Variants in TENM2 observed in about 807,000 individuals in gnomAD.
TENM2 encodes teneurin transmembrane protein 2.
In TENM2, 52 loss-of-function variants were observed where a neutral mutation model predicts 245.2. The ratio of observed to expected loss-of-function variants is 0.21; its 90% confidence interval spans 0.17 to 0.27. The LOEUF (loss-of-function observed/expected upper bound fraction) is 0.27, where lower values mean the gene tolerates loss of function less well. Ranked by LOEUF, TENM2 falls within the 10% of genes least tolerant of loss-of-function variation. The pLI is 1.00. For synonymous variants in TENM2, 1,363 were observed against 1,438.9 expected (o/e 0.95, Z 1.19); for missense variants, 3,046 against 3,666.8 (o/e 0.83, Z 4.37).
chr5:167,377,703 C>T (rs960276671), intron 2 of TENM2, among the ~76,000 whole-genome samples: 1 of 152,142 alleles, frequency 6.6e-6, no homozygotes, highest in African/African-American at 2.4e-5. Context: ...CTCTTTCTCT[C>T]TGACAAATTC....
intron 2 of TENM2, among the ~76,000 whole-genome samples, chr5:167,442,811 A>T (rs760303526): frequency 6.6e-6 from 1 of 152,032 alleles, no homozygotes; most frequent in Non-Finnish European, 1.5e-5. Context: ...ATATGGTCAA[A>T]TTTTCAGTGA....
the TENM2 span, among the ~76,000 whole-genome samples, chr5:167,156,374 A>G: frequency 6.6e-6 from 1 of 152,180 alleles, no homozygotes; most frequent in African/African-American, 2.4e-5. Flanking sequence ...GGAGATTTCC[A>G]GATATTGTAG....
chr5:167,559,446 C>A (rs1427625118), intron 2 of TENM2, among the ~76,000 whole-genome samples: 5 of 152,178 alleles, frequency 3.3e-5, no homozygotes, highest in Non-Finnish European at 5.9e-5. Context: ...GAGATCAGTT[C>A]TCAAACCATT....
rs369404275 is a variant in TENM2, at chr5:168,260,828, C to G, written c.7563+415C>G. Among the ~76,000 whole-genome samples, 55 of 152,248 alleles carry G rather than the reference C, an allele frequency of 3.6e-4. 1 individual carries two copies. In the South Asian group the frequency reaches 6.8e-3, roughly 19 times the overall value. ...CATTTTTATGCCCCACATAAAACCT[C>G]GGCGCTTTATGGCCAAGCATATACA... On this transcript the variant is annotated intron_variant, in intron 28 of 28. Coordinates refer to ENST00000518659, the Ensembl canonical transcript of TENM2.
intron 1 of TENM2, among the ~76,000 whole-genome samples, chr5:167,340,129 C>T (rs145653903): frequency 5.3e-5 from 8 of 152,302 alleles, no homozygotes; most frequent in Non-Finnish European, 1.0e-4. Context: ...CCAAATCCTT[C>T]GTCACTTTAT....
the TENM2 span, among the ~76,000 whole-genome samples, chr5:167,090,367 G>A: frequency 6.6e-6 from 1 of 151,544 alleles, no homozygotes; most frequent in African/African-American, 2.4e-5. Flanking sequence ...AAAGAAAGTA[G>A]CTGCTTCAAA....
chr5:167,669,477 G>A (rs186656821), intron 2 of TENM2, among the ~76,000 whole-genome samples: 15 of 152,214 alleles, frequency 9.9e-5, no homozygotes, highest in African/African-American at 2.9e-4. Context: ...TGGAGGAAGC[G>A]TAAAGAAAAA....
chr5:168,171,677 G>A (rs192240983), intron 13 of TENM2, among the ~76,000 whole-genome samples: 261 of 152,218 alleles, frequency 1.7e-3, no homozygotes, highest in Non-Finnish European at 2.7e-3. Context: ...GTTATTAAGT[G>A]TCTCTTAAGG....
chr5:167,618,464 A>C (rs113675662), intron 2 of TENM2, among the ~76,000 whole-genome samples: 1 of 151,894 alleles, frequency 6.6e-6, no homozygotes, highest in East Asian at 1.9e-4. Context: ...TTCCATATAC[A>C]CTTATTCATT....
intron 2 of TENM2, among the ~76,000 whole-genome samples, chr5:167,830,949 TG>T (rs1348453551): frequency 3.3e-5 from 5 of 152,132 alleles, no homozygotes; most frequent in African/African-American, 4.8e-5. Context: ...AGAAAATGCT[TG>T]TGTTGTTTCC....
In TENM2 at chr5:167,414,071, C is replaced by A. The variant is rs573887788; in HGVS notation, c.502+38598C>A. Reference sequence around the variant, plus strand: ...TTAGCAAAGGGTCACATTGGATGGACATTTTACTGAATTTATACTTGTTTC... The same window carrying A: ...TTAGCAAAGGGTCACATTGGATGGAAATTTTACTGAATTTATACTTGTTTC... On this transcript the variant is annotated intron_variant, in intron 2 of 28. Transcript: ENST00000518659. Among the ~76,000 whole-genome samples the A allele has an allele frequency of 5.3e-5, 8 of 152,252 alleles. No individual in the cohort carries two copies. In the South Asian group the frequency reaches 1.7e-3, roughly 32 times the overall value.
rs373731448 is a variant in TENM2, at chr5:168,087,654, GC to G, written c.1516-2918del. On this transcript the variant is annotated intron_variant, in intron 7 of 28. Transcript: ENST00000518659. Reference sequence around the variant, plus strand: ...AAGAAATGATCTTGAGGACCATTTGGCCTGACCTGGGAAGGAAGAAGGGCAG... The same window carrying G: ...AAGAAATGATCTTGAGGACCATTTGGCTGACCTGGGAAGGAAGAAGGGCAG... Among the ~76,000 whole-genome samples, 585 of 151,782 alleles carry G rather than the reference GC, an allele frequency of 3.9e-3. 4 individuals carry two copies. The highest frequency in any genetic ancestry group is 0.014 in the African/African-American group (561 of 41,380).
chr5:167,164,951 G>A, the TENM2 span: 726 of 152,236 alleles, frequency 4.8e-3, 6 homozygotes, highest in African/African-American at 0.017. Context: ...TTAAAATCAC[G>A]ATTATGTATT....
chr5:167,992,591 A>G (rs1250918301), intron 4 of TENM2, among the ~76,000 whole-genome samples: 3 of 152,190 alleles, frequency 2.0e-5, no homozygotes, highest in Non-Finnish European at 4.4e-5. Context: ...ACCCAAAATA[A>G]AAGTTTTTTT....
At chr5:167,020,263 C>T in the TENM2 span, among the ~76,000 whole-genome samples, 1 of 152,164 alleles carries the variant, frequency 6.6e-6, no homozygotes, top group African/African-American at 2.4e-5. Context: ...ACCTAGATGT[C>T]AACATTCCAT....
Position 167,504,859 on chromosome 5 carries a change from C to G in TENM2, c.502+129386C>G, listed in dbSNP as rs570534127. On this transcript the variant is annotated intron_variant, in intron 2 of 28. Transcript: ENST00000518659. The stretch of plus-strand genomic sequence containing the variant: ...TCTTTTTGTGAGTCATTCATCACTC[C>G]TTTCTCTTCTCTTCTTTCTCCTGCT... 2.6e-5 allele frequency among the ~76,000 whole-genome samples: 4 copies of G among 152,268 alleles called. No homozygotes were observed. In the East Asian group the frequency reaches 7.7e-4, roughly 29 times the overall value.
intron 2 of TENM2, among the ~76,000 whole-genome samples, chr5:167,471,053 TTAAAAAA>T (rs1766994401): frequency 6.6e-6 from 1 of 152,130 alleles, no homozygotes; most frequent in African/African-American, 2.4e-5. Flanking sequence ...GAAAGATAGT[TTAAAAAA>T]TAAAAGTCTG....
intron 2 of TENM2, among the ~76,000 whole-genome samples, chr5:167,745,605 C>T (rs1250126390): frequency 1.3e-5 from 2 of 152,096 alleles, no homozygotes; most frequent in African/African-American, 4.8e-5. Flanking sequence ...GTTGAACAAC[C>T]AACAACATCC....
intron 5 of TENM2, among the ~76,000 whole-genome samples, chr5:168,038,173 T>G (rs772257835): frequency 6.6e-6 from 1 of 152,202 alleles, no homozygotes; most frequent in Non-Finnish European, 1.5e-5. Context: ...ATCTGCAAGA[T>G]GGGAAAGCAT....
Sources: allele counts gnomAD v4.1 joint callset (sites outside exome capture counted in the v4.1 genomes callset), GRCh38; gene constraint gnomAD v4.1.1; transcripts MANE v1.5; gene names NCBI Gene and HGNC (gene_info 2026-07-23, HGNC 2026-07-21).